The following DLK1 variants were observed in gnomAD, a reference collection of about 807,000 sequenced individuals.
DLK1 encodes delta like non-canonical Notch ligand 1.
Under a neutral mutation model 35.2 loss-of-function variants are expected in DLK1, and 9 were observed. The observed-to-expected ratio is 0.26, with a 90% CI of 0.15 to 0.45. The LOEUF (loss-of-function observed/expected upper bound fraction) is 0.45, where lower values mean the gene tolerates loss of function less well. Among genes scored for constraint, DLK1 ranks in the 20% least tolerant of loss-of-function variants. DLK1 has a pLI of 1.00. For synonymous variants in DLK1, 231 were observed against 228.4 expected, an observed-to-expected ratio of 1.01 and a Z score of -0.10; for missense variants, 522 against 528.5, an observed-to-expected ratio of 0.99 and a Z score of 0.12.
At position 100,734,756 on chromosome 14, in the gene DLK1, C is replaced by T; in HGVS notation, c.1012C>T (p.Arg338Cys). Reference protein sequence around the residue: ...NKCETWVSNLRYNHMLRKKKN... With the variant: ...NKCETWVSNLCYNHMLRKKKN... ...GTGCGAGACCTGGGTGTCCAACCTGCGCTACAACCACATGCTGCGGAAGAA... is the reference window on the plus strand; with the variant it reads ...GTGCGAGACCTGGGTGTCCAACCTGTGCTACAACCACATGCTGCGGAAGAA... Residue 338 changes from arginine (R) to cysteine (C), a missense_variant, in exon 5 of 5, where the codon CGC becomes TGC. Transcript: ENST00000341267. The surrounding 1 kb of genome is among the most constrained non-coding windows in gnomAD (Gnocchi z 7.4). The T allele has an allele frequency of 6.2e-6, 10 of 1,614,078 alleles. No individual in the cohort carries two copies. Among genetic ancestry groups the T allele is most frequent in the South Asian group, 2.2e-5 (2 of 91,084 alleles).
rs2036440577 is a variant in DLK1, at chr14:100,726,956, C to T, written c.-113C>T. On this transcript the variant is annotated 5_prime_UTR_variant, in exon 1 of 5. Transcript: ENST00000341267. The surrounding 1 kb of genome is among the most constrained non-coding windows in gnomAD (Gnocchi z 4.2). The stretch of plus-strand genomic sequence containing the variant: ...AGCCCGGTGCAGCCCTGGCTTTCCC[C>T]TCGCTGCGCGCCCGCGCCCCCTTTC... 2.7e-6 allele frequency: 3 copies of T among 1,097,438 alleles called. No individual in the cohort carries two copies. Among genetic ancestry groups the T allele is most frequent in the Non-Finnish European group, 3.6e-6 (3 of 835,234 alleles). 68.0% of individuals were successfully genotyped at this position (1,097,438 alleles called of 1,614,324 possible). A position where few individuals can be genotyped will look rare whatever the true frequency, so the allele number is the denominator to read the frequency against.
At chr14:100,728,058 T>G (rs1056122619) in intron 1 of DLK1, among the ~76,000 whole-genome samples, 2 of 152,160 alleles carry the variant, frequency 1.3e-5, no homozygotes, top group African/African-American at 2.4e-5. Context: ...GGGCTCAACA[T>G]ATTTCCCTCC....
chr14:100,727,413 G>T (rs1360732074), intron 1 of DLK1, among the ~76,000 whole-genome samples: 1 of 152,200 alleles, frequency 6.6e-6, no homozygotes, highest in Non-Finnish European at 1.5e-5. Flanking sequence ...GAGCAAGGAG[G>T]TATGGAAAAA....
intron 4 of DLK1, among the ~76,000 whole-genome samples, chr14:100,732,408 A>AT (rs2036520877): frequency 6.6e-6 from 1 of 152,214 alleles, no homozygotes. Context: ...TATTCCCCTG[A>AT]TGTTCTCAAG....
rs1222427315 is a variant in DLK1, at chr14:100,734,596, C to T, written c.852C>T (p.Ile284=). The T allele has an allele frequency of 6.2e-7, 1 of 1,613,764 alleles. No individual in the cohort carries two copies. The highest frequency in any genetic ancestry group is 8.5e-7 in the Non-Finnish European group (1 of 1,180,044). ...CGGTGCAGCAGCCGGAGCACCGCAT[C>T]CTGAAGGTGTCCATGAAAGAGCTCA... is the stretch of plus-strand genomic sequence containing the variant. ...ELPVQQPEHR[I]LKVSMKELNK... Residue 284 remains isoleucine, a synonymous_variant, in exon 5 of 5, where the codon ATC becomes ATT. Transcript: ENST00000341267. This position sits in a 1 kb window ranked among gnomAD's most constrained non-coding sequence, Gnocchi z 7.4.
chr14:100,730,047 C>T (rs1169747851), intron 3 of DLK1, among the ~76,000 whole-genome samples: 1 of 152,202 alleles, frequency 6.6e-6, no homozygotes, highest in Non-Finnish European at 1.5e-5. Context: ...TAAGGAACAC[C>T]TAAGAGCATT....
chr14:100,731,144 A>C (rs1051697994), intron 3 of DLK1, among the ~76,000 whole-genome samples: 8 of 152,250 alleles, frequency 5.3e-5, no homozygotes, highest in Admixed American at 5.2e-4. Flanking sequence ...AATGGGTAGG[A>C]GCTGAACTCT....
chr14:100,730,494 C>T (rs1295051655), intron 3 of DLK1, among the ~76,000 whole-genome samples: 2 of 152,086 alleles, frequency 1.3e-5, no homozygotes, highest in African/African-American at 2.4e-5. Flanking sequence ...TCCCTTTTTG[C>T]CCATCTTTGA....
At chr14:100,731,942 C>A in intron 3 of DLK1, 100 bp from the exon 4 acceptor site, 1 of 1,441,358 alleles carries the variant, frequency 6.9e-7, no homozygotes, top group East Asian at 2.5e-5. Flanking sequence ...CTCCAGACCC[C>A]ACTCGGTGGC....
In DLK1 at chr14:100,736,611, A is replaced by G. The variant is rs2036574653; in HGVS notation, c.*1715A>G. On this transcript the variant is annotated 3_prime_UTR_variant, in exon 5 of 5. Transcript: ENST00000341267. ...AACACCCCACTCTCCCCACCAAGCC[A>G]TTGGTCTCCTCACTCCCGGTCCTTT... 1 of 151,194 alleles carries G rather than the reference A, an allele frequency of 6.6e-6. No individual in the cohort carries two copies. The highest frequency in any genetic ancestry group is 2.4e-5 in the African/African-American group (1 of 40,864). The allele number at this position is 151,194 out of a possible 1,614,324, so 9.4% of individuals were successfully genotyped here. A position where few individuals can be genotyped will look rare whatever the true frequency, so the allele number is the denominator to read the frequency against.
At position 100,734,108 on chromosome 14, in the gene DLK1, T is replaced by C. The variant is rs17577779; in HGVS notation, c.405-41T>C. The C allele has an allele frequency of 0.55, 847,198 of 1,552,578 alleles. 242,189 individuals are homozygous for C. Among genetic ancestry groups the C allele is most frequent in the East Asian group, 1 (44,302 of 44,372 alleles). On this transcript the variant is annotated intron_variant, in intron 4 of 4. Transcript: ENST00000341267. This position sits in a 1 kb window ranked among gnomAD's most constrained non-coding sequence, Gnocchi z 7.4. ...CGTGCCCTGCAGCGCTGTTGTAGCC[T>C]AGCCCCTGAGGCCGTTTACTATGTC...
chr14:100,733,754 T>C (rs1028690382), intron 4 of DLK1, among the ~76,000 whole-genome samples: 1 of 152,148 alleles, frequency 6.6e-6, no homozygotes, highest in Admixed American at 6.5e-5. Context: ...ACTTTTCCTC[T>C]CCTAGCCTCA....
rs1333566912 is a variant in DLK1, at chr14:100,728,956, G to A, written c.152G>A (p.Gly51Asp). ...NVCRCQPGWQ[G>D]PLCDQCVTSP... ...TGCAGGTGCCAGCCTGGCTGGCAGG[G>A]TCCCCTTTGTGACCAGTGCGTGACC... is the stretch of plus-strand genomic sequence containing the variant. Residue 51 changes from glycine (G) to aspartate (D), a missense_variant, in exon 3 of 5, where the codon GGT (glycine) becomes GAT (aspartate). Physicochemically the swap from Gly to Asp is moderately conservative, Grantham distance 94. Coordinates refer to ENST00000341267, the MANE Select transcript of DLK1 (RefSeq NM_003836.7). The A allele has an allele frequency of 4.3e-6, 7 of 1,613,936 alleles. No homozygotes were observed. The highest frequency in any genetic ancestry group is 5.9e-6 in the Non-Finnish European group (7 of 1,179,968).
chr14:100,734,791 G>A lies in DLK1; in HGVS notation c.1047G>A (p.Leu349=), dbSNP rs749214002. ...ACATGCTGCGGAAGAAGAAGAACCT[G>A]CTGCTTCAGTACAACAGCGGGGAGG... The part of the protein sequence containing the change: ...YNHMLRKKKN[L]LLQYNSGEDL... Residue 349 remains leucine, a synonymous_variant, in exon 5 of 5, where the codon CTG becomes CTA. Transcript: ENST00000341267. This position sits in a 1 kb window ranked among gnomAD's most constrained non-coding sequence, Gnocchi z 7.4. The A allele has an allele frequency of 6.2e-7, 1 of 1,613,980 alleles. No homozygotes were observed. Among genetic ancestry groups the A allele is most frequent in the East Asian group, 2.2e-5 (1 of 44,878 alleles).
chr14:100,727,743 A>G (rs940539286), intron 1 of DLK1, among the ~76,000 whole-genome samples: 3 of 152,122 alleles, frequency 2.0e-5, no homozygotes, highest in Non-Finnish European at 4.4e-5. Context: ...TGGTTGAGTA[A>G]ATGCACACAG....
intron 2 of DLK1, 64 bp from the exon 3 acceptor site, chr14:100,728,872 C>G: frequency 6.3e-7 from 1 of 1,584,130 alleles, no homozygotes; most frequent in East Asian, 2.2e-5. Context: ...AGAAAGTAGC[C>G]TGAGCTGCCT....
chr14:100,732,062 G>C lies in DLK1; in HGVS notation c.283G>C (p.Ala95Pro), dbSNP rs2036514915. The C allele has an allele frequency of 6.2e-7, 1 of 1,613,292 alleles. No individual in the cohort carries two copies. Among genetic ancestry groups the C allele is most frequent in the Admixed American group, 1.7e-5 (1 of 59,900 alleles). Residue 95 changes from alanine to proline, a missense_variant, in exon 4 of 5, where the codon GCC (alanine) becomes CCC (proline). By Grantham distance (27) the Ala-to-Pro change is conservative (BLOSUM62 -1). Coordinates refer to ENST00000341267, the MANE Select transcript of DLK1 (RefSeq NM_003836.7). ...CDRDVRACSS[A>P]PCANNRTCVS... ...CGCAGATGTTCGGGCCTGCTCCTCGGCCCCCTGTGCCAACAACAGGACCTG... is the reference window on the plus strand; with the variant it reads ...CGCAGATGTTCGGGCCTGCTCCTCGCCCCCCTGTGCCAACAACAGGACCTG...
chr14:100,735,569 G>T lies in DLK1; in HGVS notation c.*673G>T, dbSNP rs1391743785. 1 of 152,104 alleles carries T rather than the reference G, an allele frequency of 6.6e-6. No homozygotes were observed. Among genetic ancestry groups the T allele is most frequent in the South Asian group, 2.1e-4 (1 of 4,824 alleles). The allele number at this position is 152,104 out of a possible 1,614,324, so 9.4% of individuals were successfully genotyped here. On this transcript the variant is annotated 3_prime_UTR_variant, in exon 5 of 5. Transcript: ENST00000341267. The stretch of plus-strand genomic sequence containing the variant: ...CACTTTCTCGCCCCTCTCGAGGGAG[G>T]GGTTTGAACACCGACCACCATGGTC...
At position 100,734,854 on chromosome 14, in the gene DLK1, C is replaced by T; in HGVS notation, c.1110C>T (p.Asp370=). 1.2e-6 allele frequency: 2 copies of T among 1,606,250 alleles called. No individual in the cohort carries two copies. The highest frequency in any genetic ancestry group is 1.7e-6 in the Non-Finnish European group (2 of 1,176,016). ...ACATCATCTTCCCCGAGAAGATCGA[C>T]ATGACCACCTTCAGCAAGGAGGCCG... ...AVNIIFPEKI[D]MTTFSKEAGD... The change falls in exon 5 of 5, where the codon GAC becomes GAT. Residue 370 remains aspartate, a synonymous_variant. Transcript: ENST00000341267. This position sits in a 1 kb window ranked among gnomAD's most constrained non-coding sequence, Gnocchi z 7.4.
Sources: gnomAD v4.1 joint callset for allele counts (sites outside exome capture counted in the v4.1 genomes callset) on GRCh38, gnomAD v4.1.1 for gene constraint, Gnocchi (gnomAD v3.1) non-coding constraint, MANE v1.5 for transcripts, NCBI Gene and HGNC (gene_info 2026-07-23, HGNC 2026-07-21) for gene names.